KDM2B: variants seen among roughly 807,000 people sequenced by gnomAD.
The protein encoded by KDM2B is lysine-specific demethylase 2B.
Under a neutral mutation model 150.0 loss-of-function variants are expected in KDM2B, and 26 were observed. That is an observed-to-expected ratio of 0.17 (90% CI 0.13 to 0.24). The LOEUF (loss-of-function observed/expected upper bound fraction) is 0.24, where lower values mean the gene tolerates loss of function less well. Among genes scored for constraint, KDM2B ranks in the 10% least tolerant of loss-of-function variants. The probability of loss-of-function intolerance (pLI) is 1.00; values close to 1 mark genes in which losing one functional copy is unlikely to be tolerated. For synonymous variants in KDM2B, 734 were observed against 729.5 expected (o/e 1.01, Z -0.10); for missense variants, 1,265 against 1,816.9 (o/e 0.70, Z 5.52).
Position 121,456,117 on chromosome 12 carries a change from T to C in KDM2B, c.1735-2773A>G, listed in dbSNP as rs534328141. On this transcript the variant is annotated intron_variant, in intron 12 of 22. Coordinates refer to ENST00000377071, the MANE Select transcript of KDM2B (RefSeq NM_032590.5). ...GAGGATGCCTTCCTGAAGCCAGTAA[T>C]TTGCCTGTGGTCATGGAACCAGCAT... is the stretch of plus-strand genomic sequence containing the variant. 5.9e-5 allele frequency among the ~76,000 whole-genome samples: 9 copies of C among 152,334 alleles called. No individual in the cohort carries two copies. In the East Asian group the frequency reaches 1.7e-3, roughly 29 times the overall value.
intron 11 of KDM2B, among the ~76,000 whole-genome samples, chr12:121,501,975 TC>T (rs1555302049): frequency 2.6e-5 from 4 of 152,090 alleles, no homozygotes; most frequent in Non-Finnish European, 4.4e-5. Flanking sequence ...GCTTTACACC[TC>T]ACTGTTCTAC....
the KDM2B span, chr12:121,420,160 G>A: frequency 8.0e-7 from 1 of 1,246,586 alleles, no homozygotes; most frequent in Non-Finnish European, 1.2e-6. Context: ...TGGTCATCAT[G>A]GGGAGCATCA....
At chr12:121,420,615 G>A in the KDM2B span, 2 of 1,614,170 alleles carry the variant, frequency 1.2e-6, no homozygotes, top group South Asian at 2.2e-5. Context: ...GAGCTTCACT[G>A]TCTGACTTGT....
rs1891440912 is a variant in KDM2B at position 121,575,493 on chromosome 12, T to C, written c.350+288A>G. On this transcript the variant is annotated intron_variant, in intron 3 of 22. Coordinates refer to ENST00000377071, the MANE Select transcript of KDM2B (RefSeq NM_032590.5). The surrounding 1 kb of genome is among the most constrained non-coding windows in gnomAD (Gnocchi z 4.4). Reference sequence around the variant, plus strand: ...GCAAGGGGAAGGAGGAGAGGTACAATTCTCTGTAGGAGGTCACTGAGTGTA... The same window carrying C: ...GCAAGGGGAAGGAGGAGAGGTACAACTCTCTGTAGGAGGTCACTGAGTGTA... 6.6e-6 allele frequency among the ~76,000 whole-genome samples: 1 copy of C among 152,166 alleles called. No homozygotes were observed. The highest frequency in any genetic ancestry group is 1.5e-5 in the Non-Finnish European group (1 of 68,032).
chr12:121,541,457 G>A (rs1888609884), intron 6 of KDM2B, among the ~76,000 whole-genome samples: 1 of 147,620 alleles, frequency 6.8e-6, no homozygotes, highest in South Asian at 2.2e-4. Flanking sequence ...GAGGGAGAGA[G>A]GGAGGGAAAT....
At chr12:121,498,666 T>C (rs1268007928) in intron 11 of KDM2B, among the ~76,000 whole-genome samples, 1 of 152,170 alleles carries the variant, frequency 6.6e-6, no homozygotes, top group Non-Finnish European at 1.5e-5. Context: ...CTTAAATGTC[T>C]TACGATTTCT....
In KDM2B at chr12:121,441,188, G is replaced by A. The variant is rs782615893; in HGVS notation, c.3330C>T (p.Cys1110=). The A allele has an allele frequency of 6.8e-6, 11 of 1,614,054 alleles. No individual in the cohort carries two copies. The highest frequency in any genetic ancestry group is 1.3e-5 in the African/African-American group (1 of 74,934). Residue 1110 remains cysteine (C), a synonymous_variant, in exon 20 of 23, where the codon TGC becomes TGT. Coordinates refer to ENST00000377071, the MANE Select transcript of KDM2B (RefSeq NM_032590.5). The part of the protein sequence containing the change: ...RLWTRIDLNH[C]KSITPLMLSG... ...TCAGCATCAGGGGTGTGATAGACTT[G>A]CAGTGGTTCAGGTCAATGCGGGTCC...
intron 21 of KDM2B, 191 bp from the exon 22 acceptor site, chr12:121,440,266 G>A (rs1874750749): frequency 8.3e-6 from 5 of 599,054 alleles, no homozygotes; most frequent in African/African-American, 1.9e-5. Context: ...TAGATTTTCA[G>A]ATTCTCTTGA....
At chr12:121,460,576 T>A (rs1878967663) in intron 12 of KDM2B, among the ~76,000 whole-genome samples, 1 of 152,172 alleles carries the variant, frequency 6.6e-6, no homozygotes, top group Admixed American at 6.5e-5. Context: ...TTTTATTTTC[T>A]TTTTCTTTTT....
chr12:121,494,737 C>CCTAT, intron 11 of KDM2B, 72 bp from the exon 12 acceptor site: 2 of 1,158,958 alleles, frequency 1.7e-6, no homozygotes, highest in South Asian at 2.9e-5. Context: ...GAACAGCAGA[C>CCTAT]ATAGTCCAGC....
At chr12:121,443,184 A>AC in intron 17 of KDM2B, 154 bp from the exon 18 acceptor site, 3 of 696,634 alleles carry the variant, frequency 4.3e-6, no homozygotes, top group Non-Finnish European at 5.0e-6. Flanking sequence ...TGACCGACAG[A>AC]CGGGCGAGCC....
chr12:121,425,954 A>C (rs1555284176), downstream of KDM2B, among the ~76,000 whole-genome samples: 1 of 151,996 alleles, frequency 6.6e-6, no homozygotes, highest in African/African-American at 2.4e-5. Context: ...TATTTAGTAG[A>C]GACGGGGTTT....
intron 17 of KDM2B, chr12:121,443,329 T>C (rs1875515284): frequency 1.7e-6 from 1 of 579,696 alleles, no homozygotes; most frequent in African/African-American, 1.9e-5. Flanking sequence ...GGGAGCCAGT[T>C]CTGGAGCACA....
chr12:121,500,369 C>T (rs781938345), intron 11 of KDM2B, among the ~76,000 whole-genome samples: 14 of 152,190 alleles, frequency 9.2e-5, no homozygotes, highest in Non-Finnish European at 1.6e-4. Context: ...AAGATCCAAC[C>T]GTGGGACCCT....
At chr12:121,450,330 GAAAA>G (rs1328931569) in intron 13 of KDM2B, among the ~76,000 whole-genome samples, 10 of 149,622 alleles carry the variant, frequency 6.7e-5, no homozygotes, top group Admixed American at 1.3e-4. Context: ...AAAAAAGAAA[GAAAA>G]AAAAGAAAAG....
At chr12:121,418,000 A>AAGTT in the KDM2B span, 1 of 1,345,120 alleles carries the variant, frequency 7.4e-7, no homozygotes, top group African/African-American at 1.5e-5. The surrounding 1 kb of genome is among the most constrained non-coding windows in gnomAD (Gnocchi z 5.0). Context: ...ATGACTTCTG[A>AAGTT]TAAACTTCAA....
intron 11 of KDM2B, among the ~76,000 whole-genome samples, chr12:121,500,875 C>T (rs193231241): frequency 3.3e-5 from 5 of 152,188 alleles, no homozygotes; most frequent in Non-Finnish European, 7.4e-5. Flanking sequence ...CCGAGGCGGG[C>T]GGATCACTTG....
In KDM2B at chr12:121,521,803, C is replaced by T. The variant is rs1886709293; in HGVS notation, c.932-703G>A. 6.6e-6 allele frequency among the ~76,000 whole-genome samples: 1 copy of T among 152,130 alleles called. No individual in the cohort carries two copies. Among genetic ancestry groups the T allele is most frequent in the Non-Finnish European group, 1.5e-5 (1 of 68,020 alleles). On this transcript the variant is annotated intron_variant, in intron 8 of 22. Transcript: ENST00000377071. The surrounding 1 kb of genome is among the most constrained non-coding windows in gnomAD (Gnocchi z 4.9). ...CCTAGCCTGGAGCCAGACACAGTCA[C>T]CATCACAAGGGAAACGGAGGCAGGG...
intron 4 of KDM2B, among the ~76,000 whole-genome samples, chr12:121,569,168 T>C (rs1157123836): frequency 6.6e-6 from 1 of 152,232 alleles, no homozygotes; most frequent in Non-Finnish European, 1.5e-5. Context: ...GCTGTGTTTA[T>C]GTCACCCAGC....
Sources: allele counts gnomAD v4.1 joint callset (sites outside exome capture counted in the v4.1 genomes callset), GRCh38; gene constraint gnomAD v4.1.1; non-coding constraint Gnocchi (gnomAD v3.1); transcripts MANE v1.5; gene names NCBI Gene and HGNC (gene_info 2026-07-23, HGNC 2026-07-21).